COG6: variants seen among roughly 807,000 people sequenced by gnomAD.
COG6 encodes conserved oligomeric Golgi complex subunit 6.
A neutral mutation model predicts 88.8 loss-of-function variants in COG6; 74 were observed. The observed-to-expected ratio is 0.83, with a 90% CI of 0.69 to 1.01. The LOEUF is 1.01. COG6 is among the 50% of genes least tolerant of loss of function. The pLI is 0.00. For synonymous variants in COG6, 286 were observed against 278.7 expected, an observed-to-expected ratio of 1.03 and a Z score of -0.26; for missense variants, 800 against 797.9, an observed-to-expected ratio of 1.00 and a Z score of -0.03.
downstream of COG6, among the ~76,000 whole-genome samples, chr13:39,753,703 T>G (rs1439486185): frequency 6.6e-6 from 1 of 152,192 alleles, no homozygotes; most frequent in East Asian, 1.9e-4. Context: ...ATCTTCTTAT[T>G]AGATCCTTCT....
At chr13:39,788,337 G>C in exon 19 of COG6, 1 of 1,551,772 alleles carries the variant, frequency 6.4e-7, no homozygotes, top group South Asian at 1.2e-5. Flanking sequence ...GCTCACAGGC[G>C]TCCACCCAAC....
intron 4 of COG6, among the ~76,000 whole-genome samples, chr13:39,668,510 C>T (rs1875407735): frequency 6.6e-6 from 1 of 152,016 alleles, no homozygotes; most frequent in African/African-American, 2.4e-5. Context: ...GAAACAAGGC[C>T]GGGCGCCGTA....
intron 8 of COG6, 146 bp downstream of exon 8, chr13:39,682,410 T>A (rs1442862226): frequency 1.6e-6 from 1 of 621,898 alleles, no homozygotes; most frequent in Non-Finnish European, 2.9e-6. Flanking sequence ...TAACTTGAAT[T>A]TGTTTCATGG....
chr13:39,704,067 A>C (rs1469452589), intron 13 of COG6, among the ~76,000 whole-genome samples: 1 of 151,990 alleles, frequency 6.6e-6, no homozygotes, highest in African/African-American at 2.4e-5. Flanking sequence ...ACAAATTTTT[A>C]ATCTACTGAA....
intron 16 of COG6, 128 bp from the exon 17 acceptor site, chr13:39,724,380 T>C (rs1271006757): frequency 1.5e-6 from 1 of 689,216 alleles, no homozygotes; most frequent in African/African-American, 1.8e-5. Flanking sequence ...TTGAGTTCTT[T>C]GGAAATAAGC....
Position 39,752,569 on chromosome 13 carries a change from T to G in COG6, c.*1476T>G. ...CTTGCTATGAGTGAATTCCTTTGTT[T>G]TATAGGGAAAATTTATTGTGCTTTT... On this transcript the variant is annotated 3_prime_UTR_variant, in exon 19 of 19. Coordinates refer to ENST00000455146, the MANE Select transcript of COG6 (RefSeq NM_020751.3). The G allele has an allele frequency of 8.0e-7, 1 of 1,257,790 alleles. No individual in the cohort carries two copies. Among genetic ancestry groups the G allele is most frequent in the Admixed American group, 2.4e-5 (1 of 42,374 alleles). 77.9% of individuals were successfully genotyped at this position (1,257,790 alleles called of 1,614,324 possible).
chr13:39,761,767 G>GA lies in COG6; in HGVS notation c.1827-26555dup, dbSNP rs200459463. On this transcript the variant is annotated intron_variant, in intron 18 of 18. Transcript: ENST00000416691. The stretch of plus-strand genomic sequence containing the variant: ...AGACGCAAGTGGCCAACAGGTATAT[G>GA]AAAAAAAAAAAAATGCTGAACACCG... 2.6e-3 allele frequency among the ~76,000 whole-genome samples: 350 copies of GA among 136,638 alleles called. 3 individuals are homozygous for GA. The highest frequency in any genetic ancestry group is 7.6e-3 in the Middle Eastern group (2 of 264). 89.6% of individuals were successfully genotyped at this position (136,638 alleles called of 152,430 possible). A position where few individuals can be genotyped will look rare whatever the true frequency, so the allele number is the denominator to read the frequency against.
chr13:39,785,693 A>C (rs1200176122), intron 18 of COG6, among the ~76,000 whole-genome samples: 1 of 152,198 alleles, frequency 6.6e-6, no homozygotes, highest in Non-Finnish European at 1.5e-5. Context: ...TTTATTTTTG[A>C]ATTATTTAAT....
At chr13:39,783,331 G>T (rs557895849) in intron 18 of COG6, among the ~76,000 whole-genome samples, 75 of 152,240 alleles carry the variant, frequency 4.9e-4, no homozygotes, top group African/African-American at 1.7e-3. Flanking sequence ...CAGCCATTGG[G>T]CAAGTAGGAT....
At chr13:39,733,792 T>G (rs1285740633) in intron 18 of COG6, among the ~76,000 whole-genome samples, 2 of 152,184 alleles carry the variant, frequency 1.3e-5, no homozygotes, top group Admixed American at 1.3e-4. Context: ...GCTGAGACAC[T>G]TTTTATTATG....
At chr13:39,669,003 C>T (rs1213985000) in intron 4 of COG6, among the ~76,000 whole-genome samples, 3 of 121,150 alleles carry the variant, frequency 2.5e-5, no homozygotes, top group Admixed American at 9.7e-5. Flanking sequence ...TTCCTGAATG[C>T]GCCACCATAG....
At chr13:39,692,726 A>G (rs112483206) in intron 11 of COG6, among the ~76,000 whole-genome samples, 13 of 151,696 alleles carry the variant, frequency 8.6e-5, no homozygotes, top group African/African-American at 2.7e-4. Context: ...GCTCTTCCCT[A>G]CCTTCTCTGC....
chr13:39,692,765 A>G (rs369697418), intron 11 of COG6, among the ~76,000 whole-genome samples: 3 of 151,952 alleles, frequency 2.0e-5, no homozygotes, highest in African/African-American at 4.8e-5. Flanking sequence ...TCATTTTGCT[A>G]CTTTTAATAT....
chr13:39,739,158 C>T (rs564414966), intron 18 of COG6, among the ~76,000 whole-genome samples: 25 of 151,990 alleles, frequency 1.6e-4, no homozygotes, highest in East Asian at 5.8e-4. Context: ...AGTAGATGAA[C>T]GTAAGAACTC....
chr13:39,700,505 G>A (rs1471076329), intron 13 of COG6, among the ~76,000 whole-genome samples: 1 of 151,772 alleles, frequency 6.6e-6, no homozygotes, highest in East Asian at 1.9e-4. Context: ...TTCTTGCCTT[G>A]TGTATTTCTG....
intron 18 of COG6, among the ~76,000 whole-genome samples, chr13:39,740,182 T>C (rs546888884): frequency 1.8e-4 from 28 of 152,222 alleles, no homozygotes; most frequent in Admixed American, 1.8e-3. Flanking sequence ...ACTCCAACTT[T>C]AATCAAAATT....
chr13:39,743,552 A>C (rs1337535345), intron 18 of COG6, among the ~76,000 whole-genome samples: 1 of 152,202 alleles, frequency 6.6e-6, no homozygotes, highest in Non-Finnish European at 1.5e-5. Flanking sequence ...AGACTAAACC[A>C]AGAAGAAGTT....
intron 4 of COG6, among the ~76,000 whole-genome samples, chr13:39,666,290 A>G (rs934302094): frequency 1.5e-4 from 23 of 152,218 alleles, no homozygotes; most frequent in Admixed American, 3.3e-4. Context: ...AGTCCCAGCT[A>G]TTCTGGAGGT....
In COG6 at chr13:39,752,387, G is replaced by T. The variant is rs1880688955; in HGVS notation, c.*1294G>T. 1 of 984,486 alleles carries T rather than the reference G, an allele frequency of 1.0e-6. No homozygotes were observed. Among genetic ancestry groups the T allele is most frequent in the Non-Finnish European group, 1.4e-6 (1 of 734,824 alleles). 61.0% of individuals were successfully genotyped at this position (984,486 alleles called of 1,614,324 possible). On this transcript the variant is annotated 3_prime_UTR_variant, in exon 19 of 19. Coordinates refer to ENST00000455146, the MANE Select transcript of COG6 (RefSeq NM_020751.3). ...CCTAATACAGTTCTTTTTGGAGTAA[G>T]AATGATTATATAATCGTTATCCATT... is the stretch of plus-strand genomic sequence containing the variant.
Sources: allele counts gnomAD v4.1 joint callset (sites outside exome capture counted in the v4.1 genomes callset), GRCh38; gene constraint gnomAD v4.1.1; transcripts MANE v1.5; gene names NCBI Gene and HGNC (gene_info 2026-07-23, HGNC 2026-07-21).